The following FBXO42 variants were observed in gnomAD, a reference collection of about 807,000 sequenced individuals.
The protein encoded by FBXO42 is F-box only protein 42.
Under a neutral mutation model 71.7 loss-of-function variants are expected in FBXO42, and 12 were observed. The ratio of observed to expected loss-of-function variants is 0.17; its 90% CI spans 0.11 to 0.27. The LOEUF (loss-of-function observed/expected upper bound fraction) is 0.27, where lower values mean the gene tolerates loss of function less well. FBXO42 is among the 10% of genes least tolerant of loss of function. The pLI is 1.00. For missense variants in FBXO42, 707 were observed against 911.9 expected (o/e 0.78, Z 2.89); for synonymous variants, 325 against 327.5 (o/e 0.99, Z 0.08).
chr1:16,332,839 C>A (rs184008721), intron 1 of FBXO42, among the ~76,000 whole-genome samples: 1 of 152,088 alleles, frequency 6.6e-6, no homozygotes, highest in Non-Finnish European at 1.5e-5. Flanking sequence ...CTGCGCCTGG[C>A]CTCGACTAAT....
intron 4 of FBXO42, among the ~76,000 whole-genome samples, chr1:16,262,375 G>A (rs192718439): frequency 1.6e-4 from 24 of 152,150 alleles, no homozygotes; most frequent in Non-Finnish European, 4.4e-5. Flanking sequence ...ATTCCCTCTC[G>A]ATGATCTTAA....
rs188279333 is a variant in FBXO42, at chr1:16,323,520, G to A, written c.-17-8085C>T. Reference sequence around the variant, plus strand: ...AACTAAAGAATAAGGGACAGGGCCGGGCGCAGTGGCTCACGCCTGTAATCC... The same window carrying A: ...AACTAAAGAATAAGGGACAGGGCCGAGCGCAGTGGCTCACGCCTGTAATCC... On this transcript the variant is annotated intron_variant, in intron 1 of 9. Transcript: ENST00000375592. Among the ~76,000 whole-genome samples, 789 of 151,834 alleles carry A rather than the reference G, an allele frequency of 5.2e-3. 7 individuals carry two copies. The highest frequency in any genetic ancestry group is 0.018 in the African/African-American group (755 of 41,430).
chr1:16,258,199 CACTT>C lies in FBXO42; in HGVS notation c.503-1444_503-1441del, dbSNP rs140014793. Among the ~76,000 whole-genome samples the C allele has an allele frequency of 1.9e-3, 296 of 152,266 alleles. 9 individuals carry two copies. In the East Asian group the frequency reaches 0.048, roughly 25 times the overall value. ...CCTGCTCAGACTGCTTTAATGGTGT[CACTT>C]ACAAAGTCTCAAGGTTGAGAAGGTA... On this transcript the variant is annotated intron_variant, in intron 4 of 9. Coordinates refer to ENST00000375592, the MANE Select transcript of FBXO42 (RefSeq NM_018994.3).
At chr1:16,277,784 T>C (rs1179706080) in intron 4 of FBXO42, among the ~76,000 whole-genome samples, 1 of 151,570 alleles carries the variant, frequency 6.6e-6, no homozygotes, top group East Asian at 1.9e-4. Flanking sequence ...CTCAGGCCTG[T>C]AATCCCAGCA....
intron 4 of FBXO42, among the ~76,000 whole-genome samples, chr1:16,286,760 A>G (rs1014906201): frequency 7.2e-5 from 11 of 152,136 alleles, no homozygotes; most frequent in African/African-American, 2.7e-4. Flanking sequence ...CCCCTTGCCA[A>G]CCTTGATCAC....
chr1:16,293,928 CCTTT>C (rs762349510), intron 4 of FBXO42: 17 of 152,126 alleles, frequency 1.1e-4, no homozygotes, highest in Non-Finnish European at 2.4e-4. Flanking sequence ...AGTCCAGTGC[CCTTT>C]CTAATATACA....
intron 1 of FBXO42, among the ~76,000 whole-genome samples, chr1:16,333,014 T>C (rs1432824582): frequency 1.3e-5 from 2 of 152,160 alleles, no homozygotes; most frequent in African/African-American, 4.8e-5. Context: ...TTCTAGTCTC[T>C]GCTCTTGCTG....
At chr1:16,269,375 C>A (rs1003904717) in intron 4 of FBXO42, among the ~76,000 whole-genome samples, 2 of 151,150 alleles carry the variant, frequency 1.3e-5, no homozygotes, top group Non-Finnish European at 2.9e-5. Flanking sequence ...AGGTATAAAC[C>A]ACCGAACCCA....
intron 4 of FBXO42, among the ~76,000 whole-genome samples, chr1:16,270,783 CACACACACAT>C (rs371355785): frequency 2.1e-3 from 305 of 148,226 alleles, no homozygotes; most frequent in African/African-American, 7.5e-3. Flanking sequence ...CACACACACA[CACACACACAT>C]ATAAAATTCC....
chr1:16,321,695 T>A (rs920167449), intron 1 of FBXO42, among the ~76,000 whole-genome samples: 5 of 70,298 alleles, frequency 7.1e-5, no homozygotes, highest in African/African-American at 2.7e-4. Flanking sequence ...TCGCAAGGGT[T>A]TTTTTTTTTT....
chr1:16,305,708 T>C, intron 3 of FBXO42, 95 bp downstream of exon 3: 1 of 1,049,422 alleles, frequency 9.5e-7, no homozygotes, highest in Admixed American at 1.7e-5. Flanking sequence ...AGTGAGACCT[T>C]GTCTCAAAAA....
At position 16,247,862 on chromosome 1, in the gene FBXO42, G is replaced by C. The variant is rs1004822755; in HGVS notation, c.*2808C>G. Reference sequence around the variant, plus strand: ...AGAGAACAGGAAGCTCTGTCCAAGAGGGTAGGGAGAGACTAAAATTCTTAA... The same window carrying C: ...AGAGAACAGGAAGCTCTGTCCAAGACGGTAGGGAGAGACTAAAATTCTTAA... On this transcript the variant is annotated 3_prime_UTR_variant, in exon 10 of 10. Transcript: ENST00000375592. The C allele has an allele frequency of 1.3e-5, 2 of 152,172 alleles. No individual in the cohort carries two copies. The highest frequency in any genetic ancestry group is 4.8e-5 in the African/African-American group (2 of 41,418). The allele number at this position is 152,172 out of a possible 1,614,324, so 9.4% of individuals were successfully genotyped here. A position where few individuals can be genotyped will look rare whatever the true frequency, so the allele number is the denominator to read the frequency against.
chr1:16,253,280 CCA>C, intron 7 of FBXO42, 128 bp from the exon 8 acceptor site: 4 of 716,196 alleles, frequency 5.6e-6, no homozygotes, highest in Non-Finnish European at 9.3e-6. Context: ...CATAACCTCT[CCA>C]TTCTCCTAAA....
At chr1:16,301,951 G>A (rs1438020451) in intron 3 of FBXO42, among the ~76,000 whole-genome samples, 5 of 152,054 alleles carry the variant, frequency 3.3e-5, no homozygotes, top group Non-Finnish European at 7.4e-5. Flanking sequence ...GGCACAAACA[G>A]AATTTGTCAT....
chr1:16,323,738 C>A (rs367900247), intron 1 of FBXO42, among the ~76,000 whole-genome samples: 2 of 137,774 alleles, frequency 1.5e-5, no homozygotes, highest in African/African-American at 5.6e-5. Context: ...TGCAGTGAGC[C>A]GAGATCGTAC....
At chr1:16,337,939 G>A (rs1401747462) in intron 1 of FBXO42, among the ~76,000 whole-genome samples, 1 of 132,720 alleles carries the variant, frequency 7.5e-6, no homozygotes, top group African/African-American at 2.7e-5. Context: ...AAACACAGTG[G>A]CTCACGCCTA....
At chr1:16,312,866 C>T (rs560271460) in intron 2 of FBXO42, among the ~76,000 whole-genome samples, 113 of 151,402 alleles carry the variant, frequency 7.5e-4, no homozygotes, top group African/African-American at 2.6e-3. Flanking sequence ...TCGATCTTGG[C>T]ACACTGCAAC....
intron 3 of FBXO42, among the ~76,000 whole-genome samples, chr1:16,303,568 A>T (rs937718183): frequency 7.1e-6 from 1 of 141,382 alleles, no homozygotes; most frequent in Non-Finnish European, 1.6e-5. Flanking sequence ...CAAGAAGATA[A>T]TTTTTTTTTT....
At chr1:16,318,098 C>A (rs373323721) in intron 1 of FBXO42, among the ~76,000 whole-genome samples, 1 of 152,180 alleles carries the variant, frequency 6.6e-6, no homozygotes, top group African/African-American at 2.4e-5. Context: ...ATTTACTGAG[C>A]TGAATACTCA....
Sources: gnomAD v4.1 joint callset for allele counts (sites outside exome capture counted in the v4.1 genomes callset) on GRCh38, gnomAD v4.1.1 for gene constraint, MANE v1.5 for transcripts, NCBI Gene and HGNC (gene_info 2026-07-23, HGNC 2026-07-21) for gene names.